MAD1L1: variants seen among roughly 807,000 people sequenced by gnomAD.
The protein encoded by MAD1L1 is mitotic arrest deficient 1 like 1.
Under a neutral mutation model 96.9 loss-of-function variants are expected in MAD1L1, and 95 were observed. The ratio of observed to expected loss-of-function variants is 0.98; its 90% CI spans 0.83 to 1.16. The LOEUF (loss-of-function observed/expected upper bound fraction) is 1.16, where lower values mean the gene tolerates loss of function less well. Among genes scored for constraint, MAD1L1 ranks in the 50% most tolerant of loss-of-function variants. The pLI, the probability that MAD1L1 is intolerant of heterozygous loss-of-function variation, is 0.00. For synonymous variants in MAD1L1, 473 were observed against 396.6 expected, an observed-to-expected ratio of 1.19 and a Z score of -2.29; for missense variants, 1,007 against 954.4, an observed-to-expected ratio of 1.06 and a Z score of -0.73.
intron 14 of MAD1L1, among the ~76,000 whole-genome samples, chr7:2,000,725 C>T (rs1781756137): frequency 2.0e-5 from 3 of 152,200 alleles, no homozygotes; most frequent in Admixed American, 6.5e-5. Flanking sequence ...CTGGCTGCCG[C>T]GTCCCCAGCA....
At chr7:2,219,303 C>A (rs1249023489) in intron 6 of MAD1L1, 29 bp downstream of exon 6, 2 of 1,539,662 alleles carry the variant, frequency 1.3e-6, no homozygotes, top group Non-Finnish European at 8.7e-7. Flanking sequence ...GTGACCCGAC[C>A]CCCGACCCCA....
intron 18 of MAD1L1, among the ~76,000 whole-genome samples, chr7:1,824,948 C>T (rs1401590443): frequency 6.6e-6 from 1 of 151,856 alleles, no homozygotes; most frequent in Non-Finnish European, 1.5e-5. Context: ...CAAGTTCACA[C>T]TGCAGCACGA....
chr7:2,100,628 C>G (rs960765169), intron 11 of MAD1L1, among the ~76,000 whole-genome samples: 1 of 152,272 alleles, frequency 6.6e-6, no homozygotes, highest in Non-Finnish European at 1.5e-5. Context: ...AACCGGAAGG[C>G]GTCCTTGGAA....
At chr7:1,832,693 G>GGA (rs749964592) in intron 18 of MAD1L1, among the ~76,000 whole-genome samples, 1 of 41,300 alleles carries the variant, frequency 2.4e-5, no homozygotes, top group African/African-American at 8.7e-5. Context: ...GTGCAGTGAT[G>GGA]TGATCTCAGC....
At chr7:2,028,015 C>T (rs1783059024) in intron 12 of MAD1L1, among the ~76,000 whole-genome samples, 2 of 152,150 alleles carry the variant, frequency 1.3e-5, no homozygotes, top group African/African-American at 4.8e-5. Flanking sequence ...AGTTAATAAT[C>T]AAAGTCCAAT....
At chr7:2,162,725 AACG>A (rs1189275558) in intron 10 of MAD1L1, among the ~76,000 whole-genome samples, 11 of 144,766 alleles carry the variant, frequency 7.6e-5, no homozygotes, top group Admixed American at 1.4e-4. Context: ...AAAAAAAAAA[AACG>A]TAATGGATCC....
At chr7:1,947,101 C>T (rs1186452209) in intron 16 of MAD1L1, among the ~76,000 whole-genome samples, 1 of 152,240 alleles carries the variant, frequency 6.6e-6, no homozygotes, top group Non-Finnish European at 1.5e-5. Context: ...GACCTCCCTT[C>T]CGGCCAAAAT....
chr7:2,195,819 G>A (rs1791957038), intron 10 of MAD1L1, among the ~76,000 whole-genome samples: 1 of 152,250 alleles, frequency 6.6e-6, no homozygotes, highest in Admixed American at 6.5e-5. Flanking sequence ...AGGCAGGCAG[G>A]TCAGCCCTCC....
chr7:1,983,148 GCGCGCGCACACACACA>G (rs1181605280), intron 14 of MAD1L1, among the ~76,000 whole-genome samples: 106 of 41,586 alleles, frequency 2.5e-3, no homozygotes, highest in African/African-American at 8.6e-3. Flanking sequence ...GCGCGCGCGC[GCGCGCGCACACACACA>G]CACACACACA....
At chr7:1,848,088 T>C (rs1355587317) in intron 18 of MAD1L1, 17 of 278,546 alleles carry the variant, frequency 6.1e-5, no homozygotes, top group South Asian at 3.6e-5. Flanking sequence ...GAGACGATGA[T>C]GGAGGAGCTC....
intron 18 of MAD1L1, chr7:1,848,923 A>G (rs1434409231): frequency 6.5e-6 from 1 of 154,398 alleles, no homozygotes; most frequent in Non-Finnish European, 1.5e-5. Context: ...TCCTTCTCAC[A>G]CTATTTTGAA....
intron 12 of MAD1L1, among the ~76,000 whole-genome samples, chr7:2,033,834 GTGGCTCA>G: frequency 6.6e-6 from 1 of 152,230 alleles, no homozygotes; most frequent in Non-Finnish European, 1.5e-5. Context: ...TCAGACTGCG[GTGGCTCA>G]CACCTGCAAT....
intron 10 of MAD1L1, among the ~76,000 whole-genome samples, chr7:2,191,903 C>A (rs1292405235): frequency 6.6e-6 from 1 of 151,762 alleles, no homozygotes; most frequent in Non-Finnish European, 1.5e-5. Context: ...CAGTGGCAGG[C>A]ACCTGTAATC....
intron 16 of MAD1L1, among the ~76,000 whole-genome samples, 172 bp from the exon 17 acceptor site, chr7:1,937,069 G>T (rs117875104): frequency 0.012 from 1,892 of 152,346 alleles, 30 homozygotes; most frequent in Non-Finnish European, 0.018. Context: ...TCTCCTGGAA[G>T]GAGTGGCTCC....
intron 10 of MAD1L1, among the ~76,000 whole-genome samples, chr7:2,153,923 C>A (rs542423020): frequency 6.6e-6 from 1 of 152,064 alleles, no homozygotes; most frequent in African/African-American, 2.4e-5. Flanking sequence ...TTTGGGAGGC[C>A]GAGGCAGGTG....
At chr7:2,140,848 AT>A (rs1198827690) in intron 11 of MAD1L1, among the ~76,000 whole-genome samples, 1 of 152,150 alleles carries the variant, frequency 6.6e-6, no homozygotes, top group African/African-American at 2.4e-5. Context: ...TTGGGATGAA[AT>A]TTTTTTCTAG....
chr7:2,023,494 A>T (rs929026323), intron 12 of MAD1L1, among the ~76,000 whole-genome samples: 2 of 152,238 alleles, frequency 1.3e-5, no homozygotes, highest in African/African-American at 4.8e-5. Flanking sequence ...AAATGAAAAT[A>T]CAACCTATCA....
chr7:2,161,722 G>A (rs1343642580), intron 10 of MAD1L1, among the ~76,000 whole-genome samples: 20 of 150,564 alleles, frequency 1.3e-4, no homozygotes, highest in East Asian at 5.9e-4. Flanking sequence ...CCGCCGCCCC[G>A]TCTGGGATGT....
At chr7:2,079,010 A>T (rs1281495866) in intron 11 of MAD1L1, among the ~76,000 whole-genome samples, 1 of 104,624 alleles carries the variant, frequency 9.6e-6, no homozygotes. Flanking sequence ...GACACGTTCC[A>T]TGTGTCTCTC....
Sources: gnomAD v4.1 joint callset for allele counts (sites outside exome capture counted in the v4.1 genomes callset) on GRCh38, gnomAD v4.1.1 for gene constraint, MANE v1.5 for transcripts, NCBI Gene and HGNC (gene_info 2026-07-23, HGNC 2026-07-21) for gene names.